The following TBC1D9 variants were observed in gnomAD, a reference collection of about 807,000 sequenced individuals.
The protein encoded by TBC1D9 is TBC1 domain family member 9.
A neutral mutation model predicts 132.0 loss-of-function variants in TBC1D9; 63 were observed. The ratio of observed to expected loss-of-function variants is 0.48; its 90% CI spans 0.39 to 0.59. The LOEUF is 0.59. Ranked by LOEUF, TBC1D9 falls within the 20% of genes least tolerant of loss-of-function variation. The pLI, the probability that TBC1D9 is intolerant of heterozygous loss-of-function variation, is 0.00. For missense variants in TBC1D9, 1,261 were observed against 1,592.7 expected, an observed-to-expected ratio of 0.79 and a Z score of 3.54; for synonymous variants, 610 against 609.9, an observed-to-expected ratio of 1.00 and a Z score of 0.00.
At chr4:140,690,267 C>T (rs1232787815) in intron 2 of TBC1D9, among the ~76,000 whole-genome samples, 2 of 152,102 alleles carry the variant, frequency 1.3e-5, no homozygotes, top group East Asian at 3.9e-4. Context: ...TTCAGGTTTA[C>T]TATCATTGTT....
In TBC1D9 at chr4:140,679,217, A is replaced by G. The variant is rs767303067; in HGVS notation, c.590-14T>C. On this transcript the variant is annotated splice_polypyrimidine_tract_variant and intron_variant, in intron 4 of 20. Transcript: ENST00000442267. ...TGACCAGTTTCGCTGAGCACAAGGA[A>G]CAAGCCTGGGTCAACATCTGATTCC... is the stretch of plus-strand genomic sequence containing the variant. The G allele has an allele frequency of 2.5e-6, 4 of 1,607,292 alleles. No individual in the cohort carries two copies. Among genetic ancestry groups the G allele is most frequent in the Admixed American group, 3.3e-5 (2 of 59,758 alleles).
intron 1 of TBC1D9, among the ~76,000 whole-genome samples, chr4:140,733,235 T>C (rs1013889204): frequency 5.6e-4 from 86 of 152,328 alleles, no homozygotes; most frequent in Non-Finnish European, 1.2e-4. Context: ...TTTTGAAAAT[T>C]TGACTTTTAC....
chr4:140,700,522 T>TA (rs997718510), intron 2 of TBC1D9, among the ~76,000 whole-genome samples: 4 of 151,794 alleles, frequency 2.6e-5, no homozygotes, highest in Admixed American at 1.3e-4. Context: ...AAAGCAAGAT[T>TA]AAAAAAAATT....
At chr4:140,712,404 C>T (rs1438704239) in intron 1 of TBC1D9, 1 of 120,066 alleles carries the variant, frequency 8.3e-6, no homozygotes, top group African/African-American at 3.5e-5. Flanking sequence ...ATTGATTTTA[C>T]CATTTTTATC....
At chr4:140,747,361 G>T (rs754033998) in intron 1 of TBC1D9, among the ~76,000 whole-genome samples, 8 of 147,006 alleles carry the variant, frequency 5.4e-5, no homozygotes, top group Non-Finnish European at 7.5e-5. Flanking sequence ...AAAAAAAAAA[G>T]AATAATAAAT....
intron 15 of TBC1D9, among the ~76,000 whole-genome samples, 158 bp downstream of exon 15, chr4:140,638,928 T>C (rs935968788): frequency 1.3e-5 from 2 of 152,204 alleles, no homozygotes; most frequent in African/African-American, 4.8e-5. Flanking sequence ...GTTATAAGAA[T>C]GTTTATTTTC....
chr4:140,741,189 C>T (rs974531898), intron 1 of TBC1D9, among the ~76,000 whole-genome samples: 4 of 152,064 alleles, frequency 2.6e-5, no homozygotes, highest in Admixed American at 6.5e-5. Flanking sequence ...GAAGAAGATA[C>T]CAAACTCCAA....
In TBC1D9 at chr4:140,658,097, G is replaced by A. The variant is rs370926694; in HGVS notation, c.1922-285C>T. Reference sequence around the variant, plus strand: ...GAGAAAGCCAGTTTATAAGGTTTTCGTGACATACAATTAGTTATTTTGTTG... The same window carrying A: ...GAGAAAGCCAGTTTATAAGGTTTTCATGACATACAATTAGTTATTTTGTTG... On this transcript the variant is annotated intron_variant, in intron 11 of 20. Coordinates refer to ENST00000442267, the MANE Select transcript of TBC1D9 (RefSeq NM_015130.3). Among the ~76,000 whole-genome samples the A allele has an allele frequency of 1.7e-3, 254 of 152,278 alleles. 6 individuals are homozygous for A. In the South Asian group the frequency reaches 0.043, roughly 26 times the overall value.
intron 1 of TBC1D9, among the ~76,000 whole-genome samples, chr4:140,737,741 C>T (rs1294188372): frequency 1.3e-5 from 2 of 152,196 alleles, no homozygotes; most frequent in Non-Finnish European, 2.9e-5. Flanking sequence ...AGTAATCCTG[C>T]TGCAAGCACA....
intron 6 of TBC1D9, among the ~76,000 whole-genome samples, chr4:140,672,993 C>G (rs775738119): frequency 1.4e-4 from 21 of 152,200 alleles, no homozygotes; most frequent in Admixed American, 1.3e-4. Flanking sequence ...AACCCCATCT[C>G]TACTAAAAAT....
intron 2 of TBC1D9, among the ~76,000 whole-genome samples, chr4:140,688,447 C>G (rs1005701304): frequency 2.6e-5 from 4 of 152,186 alleles, no homozygotes; most frequent in African/African-American, 9.6e-5. Context: ...GAGGGGATCA[C>G]TTGAGGCCAG....
At chr4:140,644,039 G>T (rs1442959336) in intron 13 of TBC1D9, 4 of 458,550 alleles carry the variant, frequency 8.7e-6, no homozygotes, top group Non-Finnish European at 1.3e-5. Flanking sequence ...GGATGAGCTT[G>T]TCTTCGGGCG....
chr4:140,732,606 AT>A (rs1455073374), intron 1 of TBC1D9, among the ~76,000 whole-genome samples: 16 of 152,170 alleles, frequency 1.1e-4, no homozygotes, highest in African/African-American at 3.9e-4. Flanking sequence ...CTGAAATGAA[AT>A]CTGGTGTTGG....
chr4:140,739,463 A>G (rs72720332), intron 1 of TBC1D9, among the ~76,000 whole-genome samples: 2 of 152,290 alleles, frequency 1.3e-5, no homozygotes, highest in Non-Finnish European at 2.9e-5. Flanking sequence ...CTATGCTACC[A>G]GGGTTTCCTC....
At chr4:140,687,342 T>TGTGTTATATATATATA (rs1560885798) in intron 2 of TBC1D9, among the ~76,000 whole-genome samples, 1 of 54,526 alleles carries the variant, frequency 1.8e-5, no homozygotes, top group South Asian at 7.1e-4. Context: ...TGTGTGTGTG[T>TGTGTTATATATATATA]CATATATATA....
intron 1 of TBC1D9, among the ~76,000 whole-genome samples, chr4:140,717,383 G>A (rs116013192): frequency 2.0e-5 from 3 of 152,170 alleles, no homozygotes; most frequent in Admixed American, 1.3e-4. Flanking sequence ...TCTTCTAACC[G>A]TAGAGGCCTT....
intron 14 of TBC1D9, 44 bp from the exon 15 acceptor site, chr4:140,639,198 T>C (rs1736924243): frequency 6.6e-7 from 1 of 1,513,882 alleles, no homozygotes; most frequent in African/African-American, 1.4e-5. Context: ...ACTCAAAAAG[T>C]GCCATGCTGG....
In TBC1D9 at chr4:140,725,718, T is replaced by C. The variant is rs9998483; in HGVS notation, c.131-24104A>G. ...CTGGTGCCTTCCCTCCTGGAGTTAA[T>C]AGGGGTTGGGCACGGCAATTGTTCA... On this transcript the variant is annotated intron_variant, in intron 1 of 20. Coordinates refer to ENST00000442267, the MANE Select transcript of TBC1D9 (RefSeq NM_015130.3). Among the ~76,000 whole-genome samples, 1,500 of 152,040 alleles carry C rather than the reference T, an allele frequency of 9.9e-3. 20 individuals carry two copies. Among genetic ancestry groups the C allele is most frequent in the African/African-American group, 0.028 (1,179 of 41,468 alleles).
Position 140,756,376 on chromosome 4 carries a change from G to GGAGGAGGAGGAA in TBC1D9, c.-332_-331insTTCCTCCTCCTC, listed in dbSNP as rs892772926. On this transcript the variant is annotated 5_prime_UTR_variant, in exon 1 of 21. Coordinates refer to ENST00000442267, the MANE Select transcript of TBC1D9 (RefSeq NM_015130.3). This position sits in a 1 kb window ranked among gnomAD's most constrained non-coding sequence, Gnocchi z 5.6. ...CCGGCCCACGGCGGCGGGAGGAGCG[G>GGAGGAGGAGGAA]GAGGAGGAGGAAGAGGAGGAGGAAG... is the stretch of plus-strand genomic sequence containing the variant. Among the ~76,000 whole-genome samples, 1 of 152,072 alleles carries GGAGGAGGAGGAA rather than the reference G, an allele frequency of 6.6e-6. No individual in the cohort carries two copies. The highest frequency in any genetic ancestry group is 1.5e-5 in the Non-Finnish European group (1 of 67,954).
Sources: gnomAD v4.1 joint callset for allele counts (sites outside exome capture counted in the v4.1 genomes callset) on GRCh38, gnomAD v4.1.1 for gene constraint, Gnocchi (gnomAD v3.1) non-coding constraint, MANE v1.5 for transcripts, NCBI Gene and HGNC (gene_info 2026-07-23, HGNC 2026-07-21) for gene names.